The following DIPK1B variants were observed in gnomAD, a reference collection of about 807,000 sequenced individuals.
DIPK1B encodes family with sequence similarity 69 member B.
In DIPK1B, 17 loss-of-function variants were observed where a neutral mutation model predicts 20.7. The ratio of observed to expected loss-of-function variants is 0.82; its 90% CI spans 0.56 to 1.23. DIPK1B has a LOEUF of 1.23. Among genes scored for constraint, DIPK1B ranks in the 50% most tolerant of loss-of-function variants. The probability of loss-of-function intolerance (pLI) is 0.00; values close to 1 mark genes in which losing one functional copy is unlikely to be tolerated. For synonymous variants in DIPK1B, 343 were observed against 276.5 expected (o/e 1.24, Z -2.39); for missense variants, 648 against 601.8 (o/e 1.08, Z -0.80).
Position 136,723,649 on chromosome 9 carries a change from A to G in DIPK1B, c.1171A>G (p.Thr391Ala). 2 of 1,563,940 alleles carry G rather than the reference A, an allele frequency of 1.3e-6. No individual in the cohort carries two copies. The highest frequency in any genetic ancestry group is 8.6e-7 in the Non-Finnish European group (1 of 1,157,174). Residue 391 changes from threonine to alanine, a missense_variant, in exon 5 of 5, where the codon ACA becomes GCA. Coordinates refer to ENST00000371692, the MANE Select transcript of DIPK1B (RefSeq NM_152421.4). Reference protein sequence around the residue: ...APADLREELGTQLRTCTTLSG... With the variant: ...APADLREELGAQLRTCTTLSG... ...CGCCGACCTCCGCGAGGAGCTGGGC[A>G]CACAGCTGCGCACCTGTACCACGCT...
At chr9:136,714,808 C>T (rs1846474111) in intron 1 of DIPK1B, among the ~76,000 whole-genome samples, 1 of 152,232 alleles carries the variant, frequency 6.6e-6, no homozygotes, top group Non-Finnish European at 1.5e-5. Context: ...GGGCCCTTCC[C>T]CAGCTGCTGG....
intron 1 of DIPK1B, among the ~76,000 whole-genome samples, chr9:136,713,458 C>T (rs923616530): frequency 5.3e-5 from 8 of 152,234 alleles, no homozygotes; most frequent in African/African-American, 1.7e-4. Flanking sequence ...GGAACCCTGC[C>T]TGCGTCCTGC....
intron 1 of DIPK1B, among the ~76,000 whole-genome samples, chr9:136,715,517 CTTTT>C (rs113806770): frequency 2.8e-5 from 4 of 144,290 alleles, no homozygotes; most frequent in Non-Finnish European, 4.6e-5. Context: ...TGCCTGCTTA[CTTTT>C]TTTTTTTTTT....
At chr9:136,722,920 C>CA in intron 4 of DIPK1B, 42 bp from the exon 5 acceptor site, 9 of 1,544,728 alleles carry the variant, frequency 5.8e-6, no homozygotes, top group Non-Finnish European at 7.9e-6. Context: ...TCCCAGACAT[C>CA]AAATCAGCTG....
chr9:136,712,625 A>G lies in DIPK1B; in HGVS notation c.-41A>G, dbSNP rs1846440585. 13 of 1,030,034 alleles carry G rather than the reference A, an allele frequency of 1.3e-5. 1 individual carries two copies. Among genetic ancestry groups the G allele is most frequent in the Non-Finnish European group, 1.5e-5 (13 of 851,866 alleles). The allele number at this position is 1,030,034 out of a possible 1,614,324, so 63.8% of individuals were successfully genotyped here. On this transcript the variant is annotated 5_prime_UTR_variant, in exon 1 of 5. Transcript: ENST00000371692. This position sits in a 1 kb window ranked among gnomAD's most constrained non-coding sequence, Gnocchi z 5.6. ...CCGGGCCGGGCCGGGGCTGAGGCCG[A>G]GCGAGCCGCGGGGCCCGCGCAGCCC...
At position 136,723,914 on chromosome 9, in the gene DIPK1B, C is replaced by T; in HGVS notation, c.*140C>T. ...TCCCCTACCGTCAGGGCTCTGGATT[C>T]CAGCACCACAGACATGAGACCCCAG... On this transcript the variant is annotated 3_prime_UTR_variant, in exon 5 of 5. Transcript: ENST00000371692. 1.1e-6 allele frequency: 1 copy of T among 885,844 alleles called. No homozygotes were observed. Among genetic ancestry groups the T allele is most frequent in the Non-Finnish European group, 1.7e-6 (1 of 593,810 alleles). The allele number at this position is 885,844 out of a possible 1,614,324, so 54.9% of individuals were successfully genotyped here.
At chr9:136,722,388 G>A (rs3739939) in intron 4 of DIPK1B, 87 bp downstream of exon 4, 836,155 of 1,427,942 alleles carry the variant, frequency 0.59, 251,273 homozygotes, top group East Asian at 0.82. Context: ...CATGCCCAGC[G>A]CAAAGGCACA....
At position 136,723,990 on chromosome 9, in the gene DIPK1B, G is replaced by C. The variant is rs1846664400; in HGVS notation, c.*216G>C. ...TCCCGGCAGGAGAGTCCTCCAAGGGGGTTTGTTACTCTGAAGAACGTAATG... is the reference window on the plus strand; with the variant it reads ...TCCCGGCAGGAGAGTCCTCCAAGGGCGTTTGTTACTCTGAAGAACGTAATG... On this transcript the variant is annotated 3_prime_UTR_variant, in exon 5 of 5. Coordinates refer to ENST00000371692, the MANE Select transcript of DIPK1B (RefSeq NM_152421.4). 1 of 594,508 alleles carries C rather than the reference G, an allele frequency of 1.7e-6. No homozygotes were observed. Among genetic ancestry groups the C allele is most frequent in the South Asian group, 2.0e-5 (1 of 50,006 alleles). The allele number at this position is 594,508 out of a possible 1,614,324, so 36.8% of individuals were successfully genotyped here.
intron 4 of DIPK1B, 162 bp downstream of exon 4, chr9:136,722,463 G>C (rs1846622585): frequency 1.1e-6 from 1 of 886,808 alleles, no homozygotes. Flanking sequence ...AGCCCTGCCA[G>C]GGAAGGAGCC....
At position 136,712,773 on chromosome 9, in the gene DIPK1B, G is replaced by A. The variant is rs1376353658; in HGVS notation, c.63+45G>A. The A allele has an allele frequency of 1.6e-6, 2 of 1,281,356 alleles. No individual in the cohort carries two copies. Among genetic ancestry groups the A allele is most frequent in the South Asian group, 2.3e-5 (1 of 43,404 alleles). The allele number at this position is 1,281,356 out of a possible 1,614,324, so 79.4% of individuals were successfully genotyped here. On this transcript the variant is annotated intron_variant, in intron 1 of 4. Transcript: ENST00000371692. This position sits in a 1 kb window ranked among gnomAD's most constrained non-coding sequence, Gnocchi z 5.6. ...GCCGCCCCCGGCCGCCTCTGCCTGGGGAGGCCGAGCTCCAGCCCCGGAGTG... is the reference window on the plus strand; with the variant it reads ...GCCGCCCCCGGCCGCCTCTGCCTGGAGAGGCCGAGCTCCAGCCCCGGAGTG...
At position 136,723,351 on chromosome 9, in the gene DIPK1B, G is replaced by C; in HGVS notation, c.873G>C (p.Gly291=). 6.8e-6 allele frequency: 11 copies of C among 1,613,398 alleles called. No homozygotes were observed. The highest frequency in any genetic ancestry group is 9.3e-6 in the Non-Finnish European group (11 of 1,179,862). Residue 291 remains glycine, a synonymous_variant, in exon 5 of 5, where the codon GGG becomes GGC. Transcript: ENST00000371692. Reference sequence around the variant, plus strand: ...AGGAGCTCTTCCACGGCTCTTACGGGACTTTCTACATGTGTGAGACCACAC... The same window carrying C: ...AGGAGCTCTTCCACGGCTCTTACGGCACTTTCTACATGTGTGAGACCACAC... ...FVEELFHGSY[G]TFYMCETTLA... is the part of the protein sequence containing the mutation.
intron 2 of DIPK1B, chr9:136,721,594 C>T (rs1007007160): frequency 4.0e-5 from 13 of 321,352 alleles, no homozygotes; most frequent in African/African-American, 2.3e-4. Flanking sequence ...AGGTTCCTGC[C>T]TCTGGCCCTG....
rs772358584 is a variant in DIPK1B at position 136,723,142 on chromosome 9, C to T, written c.664C>T (p.Leu222=). 16 of 1,613,498 alleles carry T rather than the reference C, an allele frequency of 9.9e-6. No individual in the cohort carries two copies. The South Asian group carries it at 1.8e-4, about 18-fold the overall frequency. Reference sequence around the variant, plus strand: ...GGAGAAGGAGCACGCCTCCAGACTGCTGGGCTACTGTGGGGACCTCTACCT... The same window carrying T: ...GGAGAAGGAGCACGCCTCCAGACTGTTGGGCTACTGTGGGGACCTCTACCT... ...LQEKEHASRL[L]GYCGDLYLTE... is the part of the protein sequence containing the mutation. Residue 222 remains leucine (L), a synonymous_variant, in exon 5 of 5, where the codon CTG becomes TTG. Transcript: ENST00000371692.
rs937607543 is a variant in DIPK1B, at chr9:136,712,943, A to T, written c.63+215A>T. Among the ~76,000 whole-genome samples, 1 of 152,062 alleles carries T rather than the reference A, an allele frequency of 6.6e-6. No homozygotes were observed. The highest frequency in any genetic ancestry group is 2.4e-5 in the African/African-American group (1 of 41,426). On this transcript the variant is annotated intron_variant, in intron 1 of 4. Coordinates refer to ENST00000371692, the MANE Select transcript of DIPK1B (RefSeq NM_152421.4). This position sits in a 1 kb window ranked among gnomAD's most constrained non-coding sequence, Gnocchi z 5.6. Reference sequence around the variant, plus strand: ...GCGACAGGAGGGTCCGGGCGCGGGGATGCTGCGGCCTGGAGGCCCTCGCCC... The same window carrying T: ...GCGACAGGAGGGTCCGGGCGCGGGGTTGCTGCGGCCTGGAGGCCCTCGCCC...
chr9:136,717,333 G>T (rs903585533), intron 1 of DIPK1B, among the ~76,000 whole-genome samples: 1 of 152,164 alleles, frequency 6.6e-6, no homozygotes, highest in Admixed American at 6.5e-5. Context: ...GAAAAGTCTG[G>T]GCAGCGCCTG....
Position 136,723,389 on chromosome 9 carries a change from G to C in DIPK1B, c.911G>C (p.Gly304Ala), listed in dbSNP as rs1422406918. 6.2e-7 allele frequency: 1 copy of C among 1,613,234 alleles called. No homozygotes were observed. Among genetic ancestry groups the C allele is most frequent in the East Asian group, 2.2e-5 (1 of 44,876 alleles). Residue 304 changes from glycine to alanine, a missense_variant, in exon 5 of 5, where the codon GGC (glycine) becomes GCC (alanine). Physicochemically the swap from Gly to Ala is moderately conservative, Grantham distance 60 (BLOSUM62 0). Transcript: ENST00000371692. ...YMCETTLANVGYTATYDFKMA... is the reference protein window; with the variant it reads ...YMCETTLANVAYTATYDFKMA... ...TGTGAGACCACACTGGCCAACGTGG[G>C]CTACACAGCCACCTACGACTTCAAG... is the stretch of plus-strand genomic sequence containing the variant.
Position 136,723,277 on chromosome 9 carries a change from G to C in DIPK1B, c.799G>C (p.Ala267Pro). Residue 267 changes from alanine to proline, a missense_variant, in exon 5 of 5, where the codon GCG (alanine) becomes CCG (proline). Ala to Pro is a conservative substitution (Grantham distance 27). Coordinates refer to ENST00000371692, the MANE Select transcript of DIPK1B (RefSeq NM_152421.4). ...TGCTCTCCAGCAGTGGCTGGGGCCT[G>C]CGTGGCCTTGGCGGGCCAAGATCGC... ...QGALQQWLGP[A>P]WPWRAKIAIG... 6.2e-7 allele frequency: 1 copy of C among 1,612,540 alleles called. No homozygotes were observed. Among genetic ancestry groups the C allele is most frequent in the Non-Finnish European group, 8.5e-7 (1 of 1,179,744 alleles).
intron 4 of DIPK1B, 92 bp from the exon 5 acceptor site, chr9:136,722,870 A>G: frequency 7.4e-7 from 1 of 1,351,180 alleles, no homozygotes; most frequent in South Asian, 1.5e-5. Context: ...TGGCCGGCAG[A>G]CCACCCCGCC....
At position 136,723,575 on chromosome 9, in the gene DIPK1B, T is replaced by G; in HGVS notation, c.1097T>G (p.Leu366Arg). ...QCKGDLIQPNLAKVCALLRGY... is the reference protein window; with the variant it reads ...QCKGDLIQPNRAKVCALLRGY... ...AAGGGCGACCTCATCCAGCCCAACC[T>G]GGCCAAGGTGTGCGCACTGCTACGG... The change falls in exon 5 of 5, where the codon CTG becomes CGG. Residue 366 changes from leucine (L) to arginine (R), a missense_variant. Leu to Arg is a moderately radical substitution (Grantham distance 102). Coordinates refer to ENST00000371692, the MANE Select transcript of DIPK1B (RefSeq NM_152421.4). The G allele has an allele frequency of 1.9e-6, 3 of 1,597,468 alleles. No individual in the cohort carries two copies. Among genetic ancestry groups the G allele is most frequent in the South Asian group, 2.2e-5 (2 of 88,912 alleles).
Sources: gnomAD v4.1 joint callset for allele counts (sites outside exome capture counted in the v4.1 genomes callset) on GRCh38, gnomAD v4.1.1 for gene constraint, Gnocchi (gnomAD v3.1) non-coding constraint, MANE v1.5 for transcripts, NCBI Gene and HGNC (gene_info 2026-07-23, HGNC 2026-07-21) for gene names.